IGSF11: variants seen among roughly 807,000 people sequenced by gnomAD.
IGSF11 encodes immunoglobulin superfamily member 11.
In IGSF11, 22 loss-of-function variants were observed where a neutral mutation model predicts 41.0. The observed-to-expected ratio is 0.54, with a 90% confidence interval of 0.38 to 0.77. IGSF11 has a LOEUF of 0.77. Ranked by LOEUF, IGSF11 falls within the 30% of genes least tolerant of loss-of-function variation. IGSF11 has a pLI of 0.00. For missense variants in IGSF11, 444 were observed against 530.8 expected (o/e 0.84, Z 1.61); for synonymous variants, 219 against 201.3 (o/e 1.09, Z -0.74).
intron 1 of IGSF11, among the ~76,000 whole-genome samples, chr3:119,118,826 C>T (rs1447504082): frequency 6.6e-6 from 1 of 152,194 alleles, no homozygotes; most frequent in African/African-American, 2.4e-5. Context: ...CTGCCAGATA[C>T]CCCTAAATCA....
intron 1 of IGSF11, among the ~76,000 whole-genome samples, chr3:119,087,373 TACACACACAC>T (rs200774982): frequency 2.0e-5 from 3 of 147,402 alleles, no homozygotes; most frequent in Admixed American, 6.8e-5. Context: ...GAAAATGTTA[TACACACACAC>T]ACACACACAC....
At chr3:118,936,490 A>G (rs9874337) in intron 1 of IGSF11, among the ~76,000 whole-genome samples, 17,433 of 151,470 alleles carry the variant, frequency 0.12, 1,686 homozygotes, top group African/African-American at 0.25. Context: ...CTGGGCGACA[A>G]AGTGAGATTT....
At chr3:118,987,994 C>T (rs1935426703) in intron 1 of IGSF11, among the ~76,000 whole-genome samples, 2 of 152,124 alleles carry the variant, frequency 1.3e-5, no homozygotes, top group Admixed American at 1.3e-4. Context: ...AATATGCAAC[C>T]AATCCAAGTT....
chr3:119,067,034 C>T (rs573600613), intron 1 of IGSF11, among the ~76,000 whole-genome samples: 9 of 152,094 alleles, frequency 5.9e-5, no homozygotes, highest in African/African-American at 1.7e-4. Context: ...ACATGTGGCC[C>T]GAGCATAACT....
chr3:119,136,799 G>T (rs1360021136), intron 1 of IGSF11, among the ~76,000 whole-genome samples: 1 of 151,938 alleles, frequency 6.6e-6, no homozygotes, highest in African/African-American at 2.4e-5. Context: ...TTTGTCTGCA[G>T]ATCCAGATAT....
intron 1 of IGSF11, chr3:118,983,533 A>G (rs1412371326): frequency 6.6e-6 from 1 of 152,230 alleles, no homozygotes; most frequent in East Asian, 1.9e-4. Flanking sequence ...TTAAAATGTA[A>G]GCAGAGTATT....
At chr3:119,129,774 C>T (rs2077452221) in intron 1 of IGSF11, among the ~76,000 whole-genome samples, 1 of 152,078 alleles carries the variant, frequency 6.6e-6, no homozygotes, top group African/African-American at 2.4e-5. Context: ...CATTTGAGCC[C>T]AGGAGTTCCA....
At position 119,136,489 on chromosome 3, in the gene IGSF11, A is replaced by C. The variant is rs2077564048; in HGVS notation, c.-14+9324T>G. On this transcript the variant is annotated intron_variant, in intron 1 of 7. Transcript: ENST00000425327. Reference sequence around the variant, plus strand: ...ATTAAGGGATGGAAAAGGATATTCCATGTCTATGGAAATCAAACAAAGAGC... The same window carrying C: ...ATTAAGGGATGGAAAAGGATATTCCCTGTCTATGGAAATCAAACAAAGAGC... Among the ~76,000 whole-genome samples the C allele has an allele frequency of 2.0e-5, 3 of 152,184 alleles. No homozygotes were observed. In the South Asian group the frequency reaches 6.2e-4, roughly 32 times the overall value.
chr3:118,935,356 A>AT (rs1943177559), intron 1 of IGSF11, among the ~76,000 whole-genome samples: 2 of 140,168 alleles, frequency 1.4e-5, no homozygotes, highest in Admixed American at 1.4e-4. Flanking sequence ...ATATACATGT[A>AT]TATACACCCT....
At chr3:119,012,047 G>A (rs551496226) in intron 1 of IGSF11, among the ~76,000 whole-genome samples, 139 of 152,152 alleles carry the variant, frequency 9.1e-4, no homozygotes, top group Middle Eastern at 3.4e-3. Flanking sequence ...GAGAGAGAGC[G>A]TGAGTGCGAG....
chr3:119,043,819 G>T (rs1350625397), intron 1 of IGSF11, among the ~76,000 whole-genome samples: 1 of 152,120 alleles, frequency 6.6e-6, no homozygotes, highest in Admixed American at 6.5e-5. Context: ...AACAATCACT[G>T]CAGTCCAGCT....
At chr3:119,012,825 C>T (rs1204886132) in intron 1 of IGSF11, 2 of 152,250 alleles carry the variant, frequency 1.3e-5, no homozygotes, top group African/African-American at 4.8e-5. Context: ...CGGTCCACTT[C>T]CAATCCATCC....
At chr3:119,010,215 C>G (rs553860296) in intron 1 of IGSF11, among the ~76,000 whole-genome samples, 38 of 152,166 alleles carry the variant, frequency 2.5e-4, no homozygotes, top group Non-Finnish European at 5.1e-4. Context: ...ACCCATGGAA[C>G]AGGACTCCTT....
At chr3:118,939,277 T>G (rs1943503018) in intron 1 of IGSF11, among the ~76,000 whole-genome samples, 1 of 152,142 alleles carries the variant, frequency 6.6e-6, no homozygotes, top group Non-Finnish European at 1.5e-5. Context: ...ATGTATTTTT[T>G]TTTTTAAATC....
intron 1 of IGSF11, among the ~76,000 whole-genome samples, chr3:119,111,409 A>G (rs2107519753): frequency 6.6e-6 from 1 of 152,074 alleles, no homozygotes; most frequent in East Asian, 1.9e-4. Context: ...TGCATTCTTC[A>G]CGTAGTTCTT....
At chr3:118,953,642 C>T (rs1944748775) in intron 1 of IGSF11, among the ~76,000 whole-genome samples, 1 of 152,058 alleles carries the variant, frequency 6.6e-6, no homozygotes. Context: ...ATTTGTATTT[C>T]CCCAATCATT....
intron 1 of IGSF11, among the ~76,000 whole-genome samples, chr3:119,021,452 G>A (rs1367933696): frequency 6.6e-6 from 1 of 152,068 alleles, no homozygotes. Context: ...GACCATATGT[G>A]TCTTTTGGGA....
chr3:119,019,552 T>A (rs1939085269), intron 1 of IGSF11, among the ~76,000 whole-genome samples: 1 of 151,938 alleles, frequency 6.6e-6, no homozygotes, highest in African/African-American at 2.4e-5. Context: ...TGTCCTGCTT[T>A]ACTTCAAGAC....
chr3:119,134,116 TGGG>T (rs2077522751), intron 1 of IGSF11, among the ~76,000 whole-genome samples: 1 of 152,198 alleles, frequency 6.6e-6, no homozygotes, highest in Non-Finnish European at 1.5e-5. Context: ...TCATACTGAA[TGGG>T]CAAAAACTGG....
Sources: gnomAD v4.1 joint callset for allele counts (sites outside exome capture counted in the v4.1 genomes callset) on GRCh38, gnomAD v4.1.1 for gene constraint, MANE v1.5 for transcripts, NCBI Gene and HGNC (gene_info 2026-07-23, HGNC 2026-07-21) for gene names.